The following PDZRN4 variants were observed in gnomAD, a reference collection of about 807,000 sequenced individuals.
PDZRN4 encodes PDZ domain containing ring finger 4.
In PDZRN4, 70 loss-of-function variants were observed where a neutral mutation model predicts 99.0. The ratio of observed to expected loss-of-function variants is 0.71; its 90% CI spans 0.58 to 0.86. The LOEUF is 0.86. Ranked by LOEUF, PDZRN4 falls within the 40% of genes least tolerant of loss-of-function variation. The pLI is 0.00. For missense variants in PDZRN4, 1,474 were observed against 1,331.2 expected, an observed-to-expected ratio of 1.11 and a Z score of -1.67; for synonymous variants, 551 against 501.6, an observed-to-expected ratio of 1.10 and a Z score of -1.32.
intron 5 of PDZRN4, among the ~76,000 whole-genome samples, chr12:41,535,594 C>A (rs1450589217): frequency 6.6e-6 from 1 of 152,194 alleles, no homozygotes; most frequent in African/African-American, 2.4e-5. Flanking sequence ...GAAATTTAAT[C>A]TCCCATACTG....
intron 3 of PDZRN4, among the ~76,000 whole-genome samples, chr12:41,262,847 G>A (rs993939057): frequency 3.9e-5 from 6 of 152,112 alleles, no homozygotes; most frequent in African/African-American, 1.4e-4. Flanking sequence ...AAGATAAGAT[G>A]TCGGCGTTTC....
At chr12:41,191,106 A>G (rs1451682815) in intron 1 of PDZRN4, among the ~76,000 whole-genome samples, 1 of 152,218 alleles carries the variant, frequency 6.6e-6, no homozygotes, top group African/African-American at 2.4e-5. Flanking sequence ...ATGGAGGGAA[A>G]AATAAAGATA....
At chr12:41,463,487 T>A (rs1178445017) in intron 3 of PDZRN4, among the ~76,000 whole-genome samples, 4 of 152,082 alleles carry the variant, frequency 2.6e-5, no homozygotes, top group Admixed American at 6.6e-5. Flanking sequence ...AGACTCTTTT[T>A]TCCCTCTACA....
At chr12:41,488,394 T>C (rs1467333442) in intron 3 of PDZRN4, among the ~76,000 whole-genome samples, 1 of 152,168 alleles carries the variant, frequency 6.6e-6, no homozygotes, top group African/African-American at 2.4e-5. Context: ...TAGAGGAAAT[T>C]ACAATATTAA....
intron 3 of PDZRN4, among the ~76,000 whole-genome samples, chr12:41,438,626 G>T (rs1352313994): frequency 6.6e-6 from 1 of 152,118 alleles, no homozygotes; most frequent in African/African-American, 2.4e-5. Flanking sequence ...TTTAGCACTA[G>T]AAATTAATTT....
chr12:41,202,654 C>G (rs993060963), intron 3 of PDZRN4, among the ~76,000 whole-genome samples: 1 of 151,998 alleles, frequency 6.6e-6, no homozygotes, highest in East Asian at 1.9e-4. Flanking sequence ...ATCAGCAACT[C>G]AGAGGTGATA....
At chr12:41,350,656 T>C (rs1376252540) in intron 3 of PDZRN4, among the ~76,000 whole-genome samples, 1 of 152,082 alleles carries the variant, frequency 6.6e-6, no homozygotes, top group East Asian at 1.9e-4. Context: ...CAAAATGAAA[T>C]ATAATGCATA....
chr12:41,573,368 C>T lies in PDZRN4; in HGVS notation c.2589C>T (p.Val863=). The T allele has an allele frequency of 6.2e-7, 1 of 1,613,258 alleles. No homozygotes were observed. Residue 863 remains valine (V), a synonymous_variant, in exon 10 of 10, where the codon GTC becomes GTT. Coordinates refer to ENST00000402685, the MANE Select transcript of PDZRN4 (RefSeq NM_001164595.2). ...YMQLIQQKSA[V]EYAQSQLSLV... ...AGTTAATTCAACAGAAATCTGCAGTCGAGTATGCTCAGAGTCAGCTCAGCT... is the reference window on the plus strand; with the variant it reads ...AGTTAATTCAACAGAAATCTGCAGTTGAGTATGCTCAGAGTCAGCTCAGCT...
At chr12:41,261,449 C>T (rs73270806) in intron 3 of PDZRN4, among the ~76,000 whole-genome samples, 21,873 of 152,042 alleles carry the variant, frequency 0.14, 2,411 homozygotes, top group African/African-American at 0.31. Context: ...AATTAGATTT[C>T]ATTCTTTCAC....
chr12:41,302,789 C>G (rs1055458878), intron 3 of PDZRN4, among the ~76,000 whole-genome samples: 1 of 152,016 alleles, frequency 6.6e-6, no homozygotes, highest in Admixed American at 6.6e-5. Flanking sequence ...ACTCCTCCCC[C>G]ATCCATAATG....
intron 3 of PDZRN4, among the ~76,000 whole-genome samples, chr12:41,473,733 A>G (rs145368110): frequency 1.4e-3 from 213 of 152,300 alleles, no homozygotes; most frequent in Non-Finnish European, 2.4e-3. Context: ...TATCTCCAAC[A>G]TCTGATCTTT....
intron 3 of PDZRN4, among the ~76,000 whole-genome samples, chr12:41,257,888 C>A (rs993579024): frequency 6.6e-6 from 1 of 152,156 alleles, no homozygotes; most frequent in Non-Finnish European, 1.5e-5. Flanking sequence ...ATATATTTAA[C>A]AGTAATATTA....
intron 3 of PDZRN4, among the ~76,000 whole-genome samples, chr12:41,295,874 C>G (rs1951489987): frequency 6.6e-6 from 1 of 151,722 alleles, no homozygotes. Flanking sequence ...GGACAATGCC[C>G]CAAATAAATC....
chr12:41,189,559 C>G (rs1382889700), intron 1 of PDZRN4, among the ~76,000 whole-genome samples: 3 of 152,106 alleles, frequency 2.0e-5, no homozygotes, highest in Non-Finnish European at 4.4e-5. Flanking sequence ...CCCTGGCAGC[C>G]GCGCACGCAC....
chr12:41,537,469 G>A (rs1406092629), intron 5 of PDZRN4, among the ~76,000 whole-genome samples: 1 of 152,098 alleles, frequency 6.6e-6, no homozygotes, highest in Non-Finnish European at 1.5e-5. Flanking sequence ...AGGAGGAAGA[G>A]GAATCCCTAC....
chr12:41,530,500 A>T (rs576930052), intron 5 of PDZRN4, among the ~76,000 whole-genome samples: 18 of 152,288 alleles, frequency 1.2e-4, no homozygotes, highest in African/African-American at 4.1e-4. Context: ...AACATTTTTT[A>T]AAATGGTGCA....
chr12:41,382,616 T>C (rs1007933535), intron 3 of PDZRN4, among the ~76,000 whole-genome samples: 1 of 152,208 alleles, frequency 6.6e-6, no homozygotes, highest in African/African-American at 2.4e-5. Context: ...AGTTTACATA[T>C]GTACTAATCA....
intron 3 of PDZRN4, among the ~76,000 whole-genome samples, chr12:41,304,060 T>C (rs895136119): frequency 1.3e-5 from 2 of 152,158 alleles, no homozygotes; most frequent in African/African-American, 4.8e-5. Context: ...CAGAAAATCC[T>C]TCACAAAACA....
chr12:41,518,307 C>T (rs561670050), intron 5 of PDZRN4, among the ~76,000 whole-genome samples: 1 of 152,154 alleles, frequency 6.6e-6, no homozygotes, highest in East Asian at 1.9e-4. Context: ...ATCCAAAATA[C>T]AATTTTTAAA....
Sources: allele counts gnomAD v4.1 joint callset (sites outside exome capture counted in the v4.1 genomes callset), GRCh38; gene constraint gnomAD v4.1.1; transcripts MANE v1.5; gene names NCBI Gene and HGNC (gene_info 2026-07-23, HGNC 2026-07-21).